SMS: variants seen among roughly 807,000 people sequenced by gnomAD.
The protein encoded by SMS is spermidine aminopropyltransferase.
SMS carries 3 observed loss-of-function variants against 33.0 expected under a neutral mutation model. That is an observed-to-expected ratio of 0.09 (90% CI 0.04 to 0.23). The LOEUF is 0.23. SMS is among the 10% of genes least tolerant of loss of function. The pLI, the probability that SMS is intolerant of heterozygous loss-of-function variation, is 1.00. For missense variants in SMS, 117 were observed against 288.6 expected (o/e 0.41, Z 4.31); for synonymous variants, 103 against 112.2 (o/e 0.92, Z 0.52).
At chrX:21,993,697 C>T (rs1270679635) in intron 10 of SMS, among the ~76,000 whole-genome samples, 2 of 112,470 alleles carry the variant, frequency 1.8e-5, no homozygotes, top group African/African-American at 6.5e-5. Flanking sequence ...CCCTCCACAG[C>T]CTGTACAGAG....
At chrX:21,943,273 C>T (rs1415826780) in intron 1 of SMS, among the ~76,000 whole-genome samples, 2 of 111,946 alleles carry the variant, frequency 1.8e-5, no homozygotes, top group African/African-American at 6.5e-5. Context: ...AGTGCTGGTT[C>T]ACAATAGGAT....
At chrX:21,945,494 G>C (rs1018258611) in intron 1 of SMS, among the ~76,000 whole-genome samples, 3 of 111,402 alleles carry the variant, frequency 2.7e-5, no homozygotes, top group Non-Finnish European at 5.7e-5. Context: ...GGGGCAGGGG[G>C]TTCTTTTGTA....
At chrX:21,982,313 G>T (rs1925011651) in intron 7 of SMS, among the ~76,000 whole-genome samples, 1 of 103,533 alleles carries the variant, frequency 9.7e-6, no homozygotes, top group Non-Finnish European at 2.0e-5. Flanking sequence ...ACTCCAGCCT[G>T]GGCGACAGAG....
At chrX:21,970,745 GTTTTTTTTTTTT>G (rs756995067) in intron 2 of SMS, among the ~76,000 whole-genome samples, 4 of 82,255 alleles carry the variant, frequency 4.9e-5, no homozygotes, top group African/African-American at 1.8e-4. Context: ...ATTATTTTTA[GTTTTTTTTTTTT>G]TTTTTTTAAT....
At chrX:21,977,892 G>T (rs748588945) in intron 5 of SMS, 68 bp from the exon 6 acceptor site, 8 of 1,037,091 alleles carry the variant, frequency 7.7e-6, no homozygotes, top group Non-Finnish European at 1.1e-5. Flanking sequence ...CAGCTCTTCA[G>T]TGTGGTGGGG....
At chrX:21,981,181 C>T (rs957292584) in intron 7 of SMS, among the ~76,000 whole-genome samples, 9 of 110,298 alleles carry the variant, frequency 8.2e-5, no homozygotes, top group Non-Finnish European at 7.6e-5. Context: ...ATTAGCCCGA[C>T]GTGGTGGTGG....
rs185759750 is a variant in SMS at position 21,972,607 on chromosome X, C to T, written c.329+36C>T. Reference sequence around the variant, plus strand: ...TCTTGAATGTCCTTTTATATTTAATCGATTGAAACAATCATAGTTGGCTGG... The same window carrying T: ...TCTTGAATGTCCTTTTATATTTAATTGATTGAAACAATCATAGTTGGCTGG... On this transcript the variant is annotated intron_variant, in intron 4 of 10. Coordinates refer to ENST00000404933, the MANE Select transcript of SMS (RefSeq NM_004595.5). The T allele has an allele frequency of 1.1e-3, 1,060 of 1,002,512 alleles. 4 individuals carry two copies. Among genetic ancestry groups the T allele is most frequent in the Non-Finnish European group, 7.6e-4 (536 of 707,973 alleles). The allele number at this position is 1,002,512 out of a possible 1,213,427, so 82.6% of individuals were successfully genotyped here.
chrX:21,970,745 G>GTTTTTTTTTT (rs756995067), intron 2 of SMS, among the ~76,000 whole-genome samples: 1 of 82,257 alleles, frequency 1.2e-5, no homozygotes, highest in Non-Finnish European at 2.4e-5. Flanking sequence ...ATTATTTTTA[G>GTTTTTTTTTT]TTTTTTTTTT....
chrX:21,942,283 G>A (rs1249944357), intron 1 of SMS, among the ~76,000 whole-genome samples: 1 of 111,184 alleles, frequency 9.0e-6, no homozygotes, highest in African/African-American at 3.3e-5. Flanking sequence ...AAGGATCTCC[G>A]AAGGCACAAG....
intron 9 of SMS, among the ~76,000 whole-genome samples, chrX:21,990,758 T>G (rs1032483747): frequency 9.7e-5 from 11 of 113,099 alleles, no homozygotes; most frequent in African/African-American, 3.5e-4. Context: ...TGCACCTTGG[T>G]GGCATTTTCA....
chrX:21,947,419 C>A (rs1922316071), intron 1 of SMS, among the ~76,000 whole-genome samples: 1 of 111,624 alleles, frequency 9.0e-6, no homozygotes, highest in Non-Finnish European at 1.9e-5. Context: ...CACAGTAATT[C>A]TGTTGCTGAT....
chrX:21,944,991 C>T (rs753748069), intron 1 of SMS, among the ~76,000 whole-genome samples: 9 of 111,616 alleles, frequency 8.1e-5, no homozygotes, highest in Admixed American at 7.6e-4. Context: ...AAGCAAAACC[C>T]GCACACAAAA....
intron 1 of SMS, among the ~76,000 whole-genome samples, chrX:21,956,538 C>T (rs1375507922): frequency 1.8e-5 from 2 of 110,760 alleles, no homozygotes; most frequent in Non-Finnish European, 3.8e-5. Context: ...GGCGCGATCT[C>T]GGCTCACTGC....
chrX:21,967,835 C>T, intron 2 of SMS, among the ~76,000 whole-genome samples: 1 of 112,618 alleles, frequency 8.9e-6, no homozygotes, highest in Admixed American at 9.3e-5. Flanking sequence ...GGCAGGATCG[C>T]TCACTGGGCT....
intron 1 of SMS, among the ~76,000 whole-genome samples, chrX:21,956,661 G>A (rs1489814136): frequency 1.8e-5 from 2 of 110,685 alleles, no homozygotes; most frequent in Admixed American, 1.9e-4. Flanking sequence ...GTAGAGACGG[G>A]GTTTCATCAT....
At chrX:21,969,110 G>A (rs933661860) in intron 2 of SMS, among the ~76,000 whole-genome samples, 2 of 110,851 alleles carry the variant, frequency 1.8e-5, no homozygotes, top group Admixed American at 9.6e-5. Context: ...ACCTAGAGAT[G>A]AGGGAAACCT....
At chrX:21,943,760 C>A (rs749234823) in intron 1 of SMS, among the ~76,000 whole-genome samples, 1 of 111,300 alleles carries the variant, frequency 9.0e-6, no homozygotes, top group African/African-American at 3.3e-5. Context: ...TGAAGCACAT[C>A]GTCCTGTCAG....
At position 21,977,109 on chromosome X, in the gene SMS, C is replaced by T. The variant is rs775005620; in HGVS notation, c.378C>T (p.Thr126=). ...GAGCCATCGACAGATACTGGCCCAC[C>T]GCCGACGGGCGCCTGGTTGAATATG... ...RGGAIDRYWP[T]ADGRLVEYDI... is the part of the protein sequence containing the mutation. Residue 126 remains threonine, a synonymous_variant, in exon 5 of 11, where the codon ACC becomes ACT. Transcript: ENST00000404933. The T allele has an allele frequency of 6.6e-6, 8 of 1,206,259 alleles. No individual in the cohort carries two copies. Among genetic ancestry groups the T allele is most frequent in the African/African-American group, 3.5e-5 (2 of 57,203 alleles).
intron 2 of SMS, among the ~76,000 whole-genome samples, chrX:21,969,847 C>G (rs1924002006): frequency 8.8e-6 from 1 of 113,065 alleles, no homozygotes; most frequent in African/African-American, 3.2e-5. Context: ...CCGAATCTTG[C>G]TCTGTTGCCC....
Sources: gnomAD v4.1 joint callset for allele counts (sites outside exome capture counted in the v4.1 genomes callset) on GRCh38, gnomAD v4.1.1 for gene constraint, MANE v1.5 for transcripts, NCBI Gene and HGNC (gene_info 2026-07-23, HGNC 2026-07-21) for gene names.